Variants in PTPRD observed in about 807,000 individuals in gnomAD.
PTPRD encodes receptor-type tyrosine-protein phosphatase delta.
PTPRD carries 34 observed loss-of-function variants against 214.5 expected under a neutral mutation model. That is an observed-to-expected ratio of 0.16 (90% CI 0.12 to 0.21). The LOEUF is 0.21. Among genes scored for constraint, PTPRD ranks in the 10% least tolerant of loss-of-function variants. The pLI is 1.00. For synonymous variants in PTPRD, 1,128 were observed against 845.7 expected (o/e 1.33, Z -5.79); for missense variants, 2,545 against 2,398.7 (o/e 1.06, Z -1.27).
chr9:10,024,204 AG>A (rs1298748881), intron 4 of PTPRD, among the ~76,000 whole-genome samples: 2 of 152,136 alleles, frequency 1.3e-5, no homozygotes, highest in Non-Finnish European at 2.9e-5. Flanking sequence ...TGTTGGTTAC[AG>A]TATTAGTATT....
rs188444518 is a variant in PTPRD at position 9,078,315 on chromosome 9, C to A, written c.-142-59580G>T. The stretch of plus-strand genomic sequence containing the variant: ...GAATTTCTGAGTTCTGCTGAAAAAT[C>A]ATGGCCCATCCTTAATTATATCATA... On this transcript the variant is annotated intron_variant, in intron 10 of 45. Transcript: ENST00000381196. Among the ~76,000 whole-genome samples the A allele has an allele frequency of 6.5e-4, 99 of 152,158 alleles. 1 individual carries two copies. The highest frequency in any genetic ancestry group is 5.0e-3 in the Admixed American group (76 of 15,258).
At chr9:9,702,281 T>A (rs2097522246) in intron 7 of PTPRD, among the ~76,000 whole-genome samples, 1 of 152,126 alleles carries the variant, frequency 6.6e-6, no homozygotes, top group African/African-American at 2.4e-5. Context: ...TAAAGAGAAC[T>A]TTGGTTGTGT....
chr9:9,587,353 G>A (rs62534667), intron 7 of PTPRD, among the ~76,000 whole-genome samples: 3,922 of 152,026 alleles, frequency 0.026, 72 homozygotes, highest in South Asian at 0.042. Flanking sequence ...AGTGGTAGGC[G>A]CTTCTATTAT....
Position 8,389,375 on chromosome 9 carries a change from A to G in PTPRD, c.4243T>C (p.Tyr1415His), listed in dbSNP as rs1378095289. Residue 1415 changes from tyrosine to histidine, a missense_variant, in exon 37 of 46, where the codon TAC (tyrosine) becomes CAC (histidine). Physicochemically the swap from Tyr to His is moderately conservative, Grantham distance 83. Transcript: ENST00000381196. ...TTTTGCTTCCTATACCCATCTATGT[A>G]GTTGGCATTCACATAGTCACTTCCT... ...IPGSDYVNANYIDGYRKQNAY... is the reference protein window; with the variant it reads ...IPGSDYVNANHIDGYRKQNAY... The G allele has an allele frequency of 1.2e-6, 2 of 1,610,882 alleles. No homozygotes were observed. The highest frequency in any genetic ancestry group is 2.2e-5 in the South Asian group (2 of 90,484).
chr9:10,460,997 T>C (rs1008552209), intron 2 of PTPRD, among the ~76,000 whole-genome samples: 1 of 151,962 alleles, frequency 6.6e-6, no homozygotes, highest in Non-Finnish European at 1.5e-5. Flanking sequence ...ATATAACAAA[T>C]AAGGGGTTAA....
intron 7 of PTPRD, among the ~76,000 whole-genome samples, chr9:9,720,570 A>G (rs1360125445): frequency 6.6e-6 from 1 of 152,128 alleles, no homozygotes; most frequent in Admixed American, 6.6e-5. Flanking sequence ...GATGGGAATA[A>G]CCTGCCACCT....
chr9:8,485,752 C>A lies in PTPRD; in HGVS notation c.3055+10G>T, dbSNP rs761057907. On this transcript the variant is annotated intron_variant, in intron 28 of 45. Transcript: ENST00000381196. ...TTAAAGGAGGAAGGCCGTAAGCAGA[C>A]AAATCCTACCTTGATCCACAGGCAG... 2 of 1,601,452 alleles carry A rather than the reference C, an allele frequency of 1.2e-6. No individual in the cohort carries two copies. The highest frequency in any genetic ancestry group is 1.7e-5 in the Admixed American group (1 of 58,926).
At chr9:9,475,546 A>C (rs2094960856) in intron 8 of PTPRD, among the ~76,000 whole-genome samples, 1 of 152,146 alleles carries the variant, frequency 6.6e-6, no homozygotes, top group Non-Finnish European at 1.5e-5. Flanking sequence ...GGATCAATCA[A>C]TGTCATCAGG....
intron 5 of PTPRD, among the ~76,000 whole-genome samples, chr9:9,850,252 C>A (rs555131688): frequency 6.6e-6 from 1 of 152,198 alleles, no homozygotes; most frequent in African/African-American, 2.4e-5. Context: ...GGGTTTCAGA[C>A]GCATTCTAAA....
chr9:9,243,412 T>A (rs573621701), intron 9 of PTPRD, among the ~76,000 whole-genome samples: 7 of 152,060 alleles, frequency 4.6e-5, no homozygotes, highest in Non-Finnish European at 7.3e-5. Context: ...GCAAACCGAA[T>A]CCAGCAGCAC....
At chr9:9,199,767 T>C (rs915432641) in intron 9 of PTPRD, among the ~76,000 whole-genome samples, 26 of 151,724 alleles carry the variant, frequency 1.7e-4, no homozygotes, top group Non-Finnish European at 3.5e-4. Flanking sequence ...AATGATTTTA[T>C]TAGAAACACG....
intron 8 of PTPRD, among the ~76,000 whole-genome samples, chr9:9,539,930 T>C (rs2077246807): frequency 6.6e-6 from 1 of 151,870 alleles, no homozygotes; most frequent in African/African-American, 2.4e-5. Context: ...TTTCCATTAG[T>C]AATATTCCTT....
intron 2 of PTPRD, among the ~76,000 whole-genome samples, chr9:10,393,816 TAA>T (rs1291423810): frequency 8.1e-5 from 12 of 148,416 alleles, no homozygotes; most frequent in Non-Finnish European, 1.0e-4. Context: ...ACTTGCAGAA[TAA>T]AGTTTTATAT....
intron 8 of PTPRD, among the ~76,000 whole-genome samples, chr9:9,463,022 A>G (rs541110887): frequency 6.6e-6 from 1 of 152,164 alleles, no homozygotes; most frequent in Admixed American, 6.5e-5. Flanking sequence ...TGTTTGTGGC[A>G]TCTAGTTTCC....
intron 35 of PTPRD, among the ~76,000 whole-genome samples, chr9:8,435,006 C>T (rs1457869114): frequency 6.6e-6 from 1 of 152,106 alleles, no homozygotes. Context: ...CTCCTGAATG[C>T]TTGGAGCAGA....
intron 5 of PTPRD, among the ~76,000 whole-genome samples, chr9:9,869,558 G>T (rs114032291): frequency 6.6e-6 from 1 of 151,828 alleles, no homozygotes; most frequent in Non-Finnish European, 1.5e-5. Context: ...GTTTCCTGAC[G>T]GGATATAATA....
intron 11 of PTPRD, among the ~76,000 whole-genome samples, chr9:8,998,527 T>C (rs1337622829): frequency 6.6e-6 from 1 of 152,080 alleles, no homozygotes; most frequent in Non-Finnish European, 1.5e-5. Context: ...TTGCTGCTCA[T>C]TGACAAGCAC....
intron 9 of PTPRD, among the ~76,000 whole-genome samples, chr9:9,208,980 T>C (rs1335590857): frequency 1.3e-5 from 2 of 152,042 alleles, no homozygotes; most frequent in South Asian, 2.1e-4. Flanking sequence ...GCTAATTTTT[T>C]TGTGCTTTTA....
intron 9 of PTPRD, among the ~76,000 whole-genome samples, chr9:9,267,678 C>T (rs1940648685): frequency 6.6e-6 from 1 of 151,150 alleles, no homozygotes; most frequent in African/African-American, 2.4e-5. Flanking sequence ...GGATCATATA[C>T]CATGATCAAG....
Sources: gnomAD v4.1 joint callset for allele counts (sites outside exome capture counted in the v4.1 genomes callset) on GRCh38, gnomAD v4.1.1 for gene constraint, MANE v1.5 for transcripts, NCBI Gene and HGNC (gene_info 2026-07-23, HGNC 2026-07-21) for gene names.